The following ACSF3 variants were observed in gnomAD, a reference collection of about 807,000 sequenced individuals.
ACSF3 encodes the protein acyl-CoA synthetase family member 3.
A neutral mutation model predicts 53.2 loss-of-function variants in ACSF3; 78 were observed. The ratio of observed to expected loss-of-function variants is 1.47; its 90% CI spans 1.22 to 1.77. The LOEUF (loss-of-function observed/expected upper bound fraction) is 1.77. Ranked by LOEUF, ACSF3 falls within the 40% of genes most tolerant of loss-of-function variation. ACSF3 has a pLI of 0.00. For synonymous variants in ACSF3, 414 were observed against 333.1 expected, an observed-to-expected ratio of 1.24 and a Z score of -2.65; for missense variants, 937 against 771.1, an observed-to-expected ratio of 1.22 and a Z score of -2.55.
chr16:89,139,591 G>GT (rs56177880), intron 8 of ACSF3, among the ~76,000 whole-genome samples: 1,774 of 111,160 alleles, frequency 0.016, 27 homozygotes, highest in African/African-American at 0.028. Flanking sequence ...TTTTTTTTCT[G>GT]TTTTTTTTTT....
At position 89,138,161 on chromosome 16, in the gene ACSF3, C is replaced by T. The variant is rs751334653; in HGVS notation, c.1366+4899C>T. Among the ~76,000 whole-genome samples, 37 of 152,212 alleles carry T rather than the reference C, an allele frequency of 2.4e-4. 1 individual carries two copies. Among genetic ancestry groups the T allele is most frequent in the Non-Finnish European group, 3.7e-4 (25 of 68,018 alleles). On this transcript the variant is annotated intron_variant, in intron 8 of 10. Transcript: ENST00000614302. The stretch of plus-strand genomic sequence containing the variant: ...GAGGCCAAGTGGGGACCGGCAGTGT[C>T]GTGGTCCCGGCCCACAGCCTCTCAG...
chr16:89,118,165 A>G (rs1170760128), intron 6 of ACSF3, among the ~76,000 whole-genome samples: 2 of 77,028 alleles, frequency 2.6e-5, no homozygotes, highest in East Asian at 3.3e-4. Context: ...GCAGAGCCTG[A>G]CGGCAGGTTC....
At chr16:89,128,551 C>T (rs923507608) in intron 7 of ACSF3, among the ~76,000 whole-genome samples, 27 of 152,284 alleles carry the variant, frequency 1.8e-4, no homozygotes, top group African/African-American at 6.0e-4. Flanking sequence ...TGAGCCACCA[C>T]GCCTGACCTA....
chr16:89,096,863 C>G (rs999331980), intron 1 of ACSF3, among the ~76,000 whole-genome samples: 93 of 152,224 alleles, frequency 6.1e-4, no homozygotes, highest in Non-Finnish European at 1.8e-4. Flanking sequence ...GGAGCTGGGA[C>G]CATGTCACAC....
chr16:89,124,862 T>C (rs59501746), intron 7 of ACSF3, among the ~76,000 whole-genome samples: 22,742 of 152,282 alleles, frequency 0.15, 1,928 homozygotes, highest in African/African-American at 0.24. Context: ...CAAAGATTAA[T>C]TGGACATATT....
At chr16:89,104,138 A>T (rs1220928189) in intron 4 of ACSF3, among the ~76,000 whole-genome samples, 3 of 152,214 alleles carry the variant, frequency 2.0e-5, no homozygotes, top group African/African-American at 7.2e-5. Context: ...CGGTGTGCGT[A>T]TGTCACAGGT....
intron 8 of ACSF3, among the ~76,000 whole-genome samples, chr16:89,143,862 G>A (rs1857656837): frequency 6.8e-6 from 1 of 146,340 alleles, no homozygotes; most frequent in African/African-American, 2.6e-5. Context: ...CACGCCATGG[G>A]TCTCAAGGAG....
chr16:89,144,818 A>ATTTT (rs1567745108), intron 8 of ACSF3, among the ~76,000 whole-genome samples: 5 of 152,180 alleles, frequency 3.3e-5, no homozygotes, highest in Non-Finnish European at 7.4e-5. Context: ...TGCTCAGAAA[A>ATTTT]GGCCACGCAT....
In ACSF3 at chr16:89,095,559, G is replaced by A. The variant is rs548347101; in HGVS notation, c.-194+1563G>A. On this transcript the variant is annotated intron_variant, in intron 1 of 10. Coordinates refer to ENST00000614302, the MANE Select transcript of ACSF3 (RefSeq NM_001243279.3). ...GCCCCACGCTCTCATCGGGGCAGCCGACAGGAGGAAGTGCCGGCATCCACT... is the reference window on the plus strand; with the variant it reads ...GCCCCACGCTCTCATCGGGGCAGCCAACAGGAGGAAGTGCCGGCATCCACT... Among the ~76,000 whole-genome samples, 6 of 141,626 alleles carry A rather than the reference G, an allele frequency of 4.2e-5. No individual in the cohort carries two copies. In the East Asian group the frequency reaches 1.3e-3, roughly 30 times the overall value. 92.9% of individuals were successfully genotyped at this position (141,626 alleles called of 152,430 possible). A position where few individuals can be genotyped will look rare whatever the true frequency, so the allele number is the denominator to read the frequency against.
rs1334607376 is a variant in ACSF3, at chr16:89,101,211, G to A, written c.530G>A (p.Gly177Glu). Reference sequence around the variant, plus strand: ...CCGCTCACACCAGCCATCTACACTGGAGCAGTAGAGGAACCGGCAGAGGTC... The same window carrying A: ...CCGCTCACACCAGCCATCTACACTGAAGCAGTAGAGGAACCGGCAGAGGTC... ...LLPLTPAIYT[G>E]AVEEPAEVPV... Residue 177 changes from glycine to glutamate, a missense_variant, in exon 3 of 11, where the codon GGA becomes GAA. By Grantham distance (98) the Gly-to-Glu change is moderately conservative. Transcript: ENST00000614302. 8.1e-6 allele frequency: 13 copies of A among 1,605,660 alleles called. No individual in the cohort carries two copies. The highest frequency in any genetic ancestry group is 1.0e-5 in the Non-Finnish European group (12 of 1,176,368).
chr16:89,112,233 G>T lies in ACSF3; in HGVS notation c.964G>T (p.Glu322Ter). The T allele has an allele frequency of 6.2e-7, 1 of 1,614,148 alleles. No homozygotes were observed. The highest frequency in any genetic ancestry group is 2.2e-5 in the East Asian group (1 of 44,892). ...CCAGGATTTCTTGCGTGCAGTTTGT[G>T]AAGAAAAAATTAGGTAAGTGAAAAG... ...HAQDFLRAVC[E>*]EKIRLMVSGS... Residue 322 changes from glutamate to a stop codon, truncating the protein, a stop_gained, in exon 5 of 11, where the codon GAA becomes TAA. Transcript: ENST00000614302. LOFTEE classifies it high-confidence loss of function.
At chr16:89,109,015 T>C (rs1412759523) in intron 4 of ACSF3, among the ~76,000 whole-genome samples, 8 of 151,958 alleles carry the variant, frequency 5.3e-5, no homozygotes, top group African/African-American at 1.9e-4. Context: ...GGTGGATCAC[T>C]TGAGGTCAGG....
intron 10 of ACSF3, among the ~76,000 whole-genome samples, chr16:89,146,510 C>T (rs1289899743): frequency 1.3e-5 from 2 of 152,224 alleles, no homozygotes; most frequent in African/African-American, 2.4e-5. Flanking sequence ...AACTGCAAGG[C>T]CCACCCATTC....
At chr16:89,147,883 T>A (rs536702860) in intron 10 of ACSF3, 1 of 152,254 alleles carries the variant, frequency 6.6e-6, no homozygotes, top group South Asian at 2.1e-4. Flanking sequence ...AAGTCCACAG[T>A]CCAAAGTCTC....
chr16:89,117,420 C>T (rs532158691), intron 6 of ACSF3, among the ~76,000 whole-genome samples: 1 of 152,284 alleles, frequency 6.6e-6, no homozygotes, highest in East Asian at 1.9e-4. Flanking sequence ...GCCTTTTTTA[C>T]TGGAACAGAT....
chr16:89,108,632 G>T (rs1976309502), intron 4 of ACSF3, among the ~76,000 whole-genome samples: 1 of 152,188 alleles, frequency 6.6e-6, no homozygotes, highest in Non-Finnish European at 1.5e-5. Flanking sequence ...TGCAAATGGG[G>T]CGTGTCACAC....
Position 89,154,646 on chromosome 16 carries a change from G to A in ACSF3, c.*439G>A, listed in dbSNP as rs76940692. On this transcript the variant is annotated 3_prime_UTR_variant, in exon 11 of 11. Coordinates refer to ENST00000614302, the MANE Select transcript of ACSF3 (RefSeq NM_001243279.3). ...GCCTCACCCAGAGCCAGTGTCTCCC[G>A]GCCCACATAGGAGGTCTGGGCAGCC... The A allele has an allele frequency of 0.075, 34,040 of 454,504 alleles. 3,638 individuals are homozygous for A. The highest frequency in any genetic ancestry group is 0.35 in the East Asian group (5,073 of 14,384). 28.2% of individuals were successfully genotyped at this position (454,504 alleles called of 1,614,324 possible).
At chr16:89,106,822 G>T (rs944262461) in intron 4 of ACSF3, among the ~76,000 whole-genome samples, 1 of 152,246 alleles carries the variant, frequency 6.6e-6, no homozygotes, top group Non-Finnish European at 1.5e-5. Context: ...CTCAGACGCG[G>T]TGTCTTCAAG....
chr16:89,127,180 C>A (rs2151500768), intron 7 of ACSF3, among the ~76,000 whole-genome samples: 1 of 152,120 alleles, frequency 6.6e-6, no homozygotes, highest in South Asian at 2.1e-4. Context: ...TGTAGTTTCC[C>A]ATTTTTGTAC....
Sources: gnomAD v4.1 joint callset for allele counts (sites outside exome capture counted in the v4.1 genomes callset) on GRCh38, gnomAD v4.1.1 for gene constraint, MANE v1.5 for transcripts, NCBI Gene and HGNC (gene_info 2026-07-23, HGNC 2026-07-21) for gene names.